RCAN2: variants seen among roughly 807,000 people sequenced by gnomAD.
RCAN2 encodes regulator of calcineurin 2, also known as calcipressin-2.
Under a neutral mutation model 23.6 loss-of-function variants are expected in RCAN2, and 9 were observed. The observed-to-expected ratio is 0.38, with a 90% CI of 0.23 to 0.67. The LOEUF is 0.67. Ranked by LOEUF, RCAN2 falls within the 30% of genes least tolerant of loss-of-function variation. The probability of loss-of-function intolerance (pLI) is 0.51; values close to 1 mark genes in which losing one functional copy is unlikely to be tolerated. For missense variants in RCAN2, 273 were observed against 302.3 expected (o/e 0.90, Z 0.72); for synonymous variants, 109 against 115.7 (o/e 0.94, Z 0.37).
At chr6:46,402,294 T>C (rs76681222) in intron 2 of RCAN2, among the ~76,000 whole-genome samples, 425 of 152,156 alleles carry the variant, frequency 2.8e-3, no homozygotes, top group African/African-American at 9.5e-3. Context: ...ATGTGTGTGT[T>C]GTGTGTGTAC....
intron 4 of RCAN2, among the ~76,000 whole-genome samples, chr6:46,239,039 C>G (rs55832349): frequency 0.7 from 106,660 of 152,138 alleles, 39,076 homozygotes; most frequent in Non-Finnish European, 0.81. Context: ...TAAGAAACTT[C>G]CTCAAGGTCA....
At chr6:46,305,854 C>T (rs182658289) in intron 2 of RCAN2, among the ~76,000 whole-genome samples, 2 of 151,916 alleles carry the variant, frequency 1.3e-5, no homozygotes, top group Admixed American at 6.5e-5. Flanking sequence ...GTTGACTGTC[C>T]TGGAAATGTG....
At chr6:46,364,537 T>C (rs1765108385) in intron 2 of RCAN2, among the ~76,000 whole-genome samples, 2 of 152,194 alleles carry the variant, frequency 1.3e-5, no homozygotes, top group Admixed American at 6.5e-5. Flanking sequence ...CTTGTTTCCA[T>C]GTGCTTACGC....
intron 2 of RCAN2, among the ~76,000 whole-genome samples, chr6:46,291,000 G>T (rs1452200686): frequency 6.6e-6 from 1 of 152,210 alleles, no homozygotes; most frequent in East Asian, 1.9e-4. Context: ...CCCACAAAGT[G>T]CAGCCCATTA....
chr6:46,434,767 C>G (rs1390078530), intron 2 of RCAN2, among the ~76,000 whole-genome samples: 3 of 152,122 alleles, frequency 2.0e-5, no homozygotes, highest in African/African-American at 7.2e-5. Flanking sequence ...GTGATTTTGC[C>G]CCCCAGGGGA....
intron 2 of RCAN2, among the ~76,000 whole-genome samples, chr6:46,448,103 TA>T (rs1290915676): frequency 2.0e-5 from 3 of 151,418 alleles, no homozygotes; most frequent in Admixed American, 1.3e-4. Flanking sequence ...GCTAGCTTAA[TA>T]AAAAAATCTG....
intron 4 of RCAN2, among the ~76,000 whole-genome samples, chr6:46,241,654 C>T (rs768261581): frequency 1.3e-5 from 2 of 152,228 alleles, no homozygotes; most frequent in Non-Finnish European, 2.9e-5. Flanking sequence ...AAATGTTTCA[C>T]TTCCCAGGGC....
chr6:46,357,598 C>T (rs183074694), intron 2 of RCAN2, among the ~76,000 whole-genome samples: 47 of 152,158 alleles, frequency 3.1e-4, no homozygotes, highest in Admixed American at 2.6e-3. Context: ...GCTTTAAAAC[C>T]CATATATACT....
At chr6:46,234,526 C>T (rs1562095488) in intron 4 of RCAN2, among the ~76,000 whole-genome samples, 1 of 152,104 alleles carries the variant, frequency 6.6e-6, no homozygotes, top group African/African-American at 2.4e-5. Context: ...TGAGAACAGA[C>T]CAATGGAACC....
At chr6:46,391,617 C>T (rs1765941870) in intron 2 of RCAN2, among the ~76,000 whole-genome samples, 1 of 152,182 alleles carries the variant, frequency 6.6e-6, no homozygotes, top group South Asian at 2.1e-4. Flanking sequence ...GCAAAACTAG[C>T]AATATCATGA....
intron 2 of RCAN2, among the ~76,000 whole-genome samples, chr6:46,311,023 C>CT (rs1763242463): frequency 6.6e-6 from 1 of 152,104 alleles, no homozygotes; most frequent in South Asian, 2.1e-4. Flanking sequence ...TATTGAGTAC[C>CT]TACATGCTTT....
intron 2 of RCAN2, among the ~76,000 whole-genome samples, chr6:46,444,752 G>A (rs1299743224): frequency 6.6e-6 from 1 of 152,120 alleles, no homozygotes; most frequent in Non-Finnish European, 1.5e-5. Flanking sequence ...CAGGGGCTAG[G>A]TCCATCCCAG....
At chr6:46,471,168 CT>C (rs1768550016) in intron 1 of RCAN2, among the ~76,000 whole-genome samples, 1 of 152,170 alleles carries the variant, frequency 6.6e-6, no homozygotes, top group Non-Finnish European at 1.5e-5. Context: ...CCTTACAAGC[CT>C]TGGAGAGGAC....
At chr6:46,242,765 A>G (rs1193190286) in intron 4 of RCAN2, among the ~76,000 whole-genome samples, 1 of 152,258 alleles carries the variant, frequency 6.6e-6, no homozygotes, top group Non-Finnish European at 1.5e-5. Flanking sequence ...TATAGAAAAC[A>G]TTAATTTAAT....
chr6:46,483,472 G>C (rs935429209), intron 1 of RCAN2, among the ~76,000 whole-genome samples: 1 of 152,144 alleles, frequency 6.6e-6, no homozygotes, highest in Non-Finnish European at 1.5e-5. Flanking sequence ...TCAGGAGGCT[G>C]AAACCAAACC....
chr6:46,258,702 G>A (rs752827197), intron 2 of RCAN2, among the ~76,000 whole-genome samples: 3 of 152,008 alleles, frequency 2.0e-5, no homozygotes, highest in South Asian at 2.1e-4. Context: ...TCCCAGTAGC[G>A]GTCCTAAAGT....
At chr6:46,273,998 G>A (rs1209783648) in intron 2 of RCAN2, among the ~76,000 whole-genome samples, 1 of 152,138 alleles carries the variant, frequency 6.6e-6, no homozygotes, top group African/African-American at 2.4e-5. Context: ...AGATGATGAG[G>A]AGTCAGCTGA....
At chr6:46,453,883 C>T (rs1767950075) in intron 2 of RCAN2, among the ~76,000 whole-genome samples, 1 of 152,162 alleles carries the variant, frequency 6.6e-6, no homozygotes, top group African/African-American at 2.4e-5. Context: ...AAAGAAAAGA[C>T]TCTGCCAAAA....
At chr6:46,332,547 A>C (rs956495195) in intron 2 of RCAN2, among the ~76,000 whole-genome samples, 13 of 144,820 alleles carry the variant, frequency 9.0e-5, no homozygotes, top group African/African-American at 3.4e-4. Flanking sequence ...CCTATGAGTG[A>C]GAATATGCAG....
Sources: allele counts gnomAD v4.1 joint callset (sites outside exome capture counted in the v4.1 genomes callset), GRCh38; gene constraint gnomAD v4.1.1; transcripts MANE v1.5; gene names NCBI Gene and HGNC (gene_info 2026-07-23, HGNC 2026-07-21).